Variants in DOK5 observed in about 807,000 individuals in gnomAD.
The protein encoded by DOK5 is downstream of tyrosine kinase 5.
Under a neutral mutation model 43.3 loss-of-function variants are expected in DOK5, and 27 were observed. The ratio of observed to expected loss-of-function variants is 0.62; its 90% CI spans 0.46 to 0.86. DOK5 has a LOEUF of 0.86. DOK5 is among the 40% of genes least tolerant of loss of function. The pLI, the probability that DOK5 is intolerant of heterozygous loss-of-function variation, is 0.00. For synonymous variants in DOK5, 146 were observed against 140.1 expected (o/e 1.04, Z -0.30); for missense variants, 373 against 392.9 (o/e 0.95, Z 0.43).
At chr20:54,511,288 C>T (rs1322011615) in intron 1 of DOK5, among the ~76,000 whole-genome samples, 1 of 152,106 alleles carries the variant, frequency 6.6e-6, no homozygotes, top group Non-Finnish European at 1.5e-5. Context: ...TACCATAGTG[C>T]CTGATACATA....
intron 1 of DOK5, among the ~76,000 whole-genome samples, chr20:54,531,836 A>G (rs1226586183): frequency 6.6e-6 from 1 of 152,228 alleles, no homozygotes; most frequent in African/African-American, 2.4e-5. Flanking sequence ...CCCAATTACT[A>G]TAATTTGAGC....
At chr20:54,632,695 T>C (rs1256938476) in intron 6 of DOK5, among the ~76,000 whole-genome samples, 1 of 152,210 alleles carries the variant, frequency 6.6e-6, no homozygotes, top group East Asian at 1.9e-4. Context: ...ATGATTGTTC[T>C]AAAGGTAATA....
chr20:54,507,520 C>T (rs555433850), intron 1 of DOK5, among the ~76,000 whole-genome samples: 10 of 152,324 alleles, frequency 6.6e-5, no homozygotes, highest in South Asian at 2.1e-4. Context: ...CGGTATTTTA[C>T]GCCCTGTGGC....
At chr20:54,538,083 C>T (rs6098055) in intron 1 of DOK5, among the ~76,000 whole-genome samples, 3,765 of 151,978 alleles carry the variant, frequency 0.025, 150 homozygotes, top group African/African-American at 0.085. Flanking sequence ...ATCCTCCTCC[C>T]GACTCGGCCT....
At chr20:54,548,945 G>A (rs1490459047) in intron 1 of DOK5, among the ~76,000 whole-genome samples, 6 of 152,170 alleles carry the variant, frequency 3.9e-5, no homozygotes, top group African/African-American at 1.4e-4. Context: ...GAAATTGGGA[G>A]TTTAGTTTAA....
intron 1 of DOK5, among the ~76,000 whole-genome samples, chr20:54,520,408 T>G (rs1329994481): frequency 6.6e-6 from 1 of 152,186 alleles, no homozygotes; most frequent in Non-Finnish European, 1.5e-5. Flanking sequence ...CTAACTTGTT[T>G]CCTTTTCTAC....
intron 5 of DOK5, among the ~76,000 whole-genome samples, chr20:54,595,493 T>C (rs547471009): frequency 2.9e-4 from 44 of 152,150 alleles, no homozygotes; most frequent in Non-Finnish European, 5.1e-4. Flanking sequence ...ATTTCAATGG[T>C]CTTTACCAAC....
At chr20:54,643,628 C>T in intron 7 of DOK5, 50 bp downstream of exon 7, 1 of 1,578,414 alleles carries the variant, frequency 6.3e-7, no homozygotes, top group South Asian at 1.1e-5. Flanking sequence ...CCTGGGAGTA[C>T]TGGGGAGGGG....
At chr20:54,538,666 T>G (rs985477344) in intron 1 of DOK5, among the ~76,000 whole-genome samples, 10 of 152,176 alleles carry the variant, frequency 6.6e-5, no homozygotes, top group Non-Finnish European at 1.5e-4. Flanking sequence ...ATAGAAAAAA[T>G]ATTTAGGACA....
Position 54,610,447 on chromosome 20 carries a change from A to C in DOK5, c.659A>C (p.Tyr220Ser). 1 of 1,598,184 alleles carries C rather than the reference A, an allele frequency of 6.3e-7. No homozygotes were observed. Among genetic ancestry groups the C allele is most frequent in the Non-Finnish European group, 8.5e-7 (1 of 1,172,352 alleles). Residue 220 changes from tyrosine (Y) to serine (S), a missense_variant, in exon 6 of 8, where the codon TAT becomes TCT. Tyr to Ser is a moderately radical substitution (Grantham distance 144). Coordinates refer to ENST00000262593, the MANE Select transcript of DOK5 (RefSeq NM_018431.5). ...CAGACCCGAGACGGGGAGGCCATCT[A>C]TCAGAAAGTCCACTCTGCTGCCTTG... ...IFQTRDGEAI[Y>S]QKVHSAALAI...
At chr20:54,629,112 T>A (rs555520935) in intron 6 of DOK5, among the ~76,000 whole-genome samples, 104 of 152,350 alleles carry the variant, frequency 6.8e-4, no homozygotes, top group African/African-American at 2.5e-3. Context: ...CTGGTTTTCA[T>A]TTTCTAGTGT....
chr20:54,589,638 G>A (rs112588534), intron 4 of DOK5, among the ~76,000 whole-genome samples: 15 of 152,236 alleles, frequency 9.9e-5, no homozygotes, highest in African/African-American at 3.1e-4. Flanking sequence ...ATCTATGAGG[G>A]CATGTCACCA....
chr20:54,618,380 G>A, intron 6 of DOK5, among the ~76,000 whole-genome samples: 1 of 147,810 alleles, frequency 6.8e-6, no homozygotes, highest in Non-Finnish European at 1.5e-5. Context: ...CTCTCACTCT[G>A]TAGCCCAGGC....
At chr20:54,645,104 A>C (rs1421403801) in intron 7 of DOK5, among the ~76,000 whole-genome samples, 1 of 147,852 alleles carries the variant, frequency 6.8e-6, no homozygotes, top group Non-Finnish European at 1.5e-5. Context: ...GCGCAAAAAA[A>C]CTCTTTAATG....
rs8118579 is a variant in DOK5 at position 54,541,321 on chromosome 20, G to A, written c.67-13612G>A. On this transcript the variant is annotated intron_variant, in intron 1 of 7. Coordinates refer to ENST00000262593, the MANE Select transcript of DOK5 (RefSeq NM_018431.5). ...CCCTCTAACTGGTTCCCCGACCTGC[G>A]CCTTTCCTGCCCTACGGTACCTGAA... 3.3e-3 allele frequency among the ~76,000 whole-genome samples: 499 copies of A among 152,130 alleles called. 4 individuals are homozygous for A. Among genetic ancestry groups the A allele is most frequent in the African/African-American group, 0.011 (460 of 41,502 alleles).
Position 54,550,058 on chromosome 20 carries a change from C to T in DOK5, c.67-4875C>T, listed in dbSNP as rs117122739. ...TGACAACCATAGTACTGAGAATGTT[C>T]ATTTTCATGGCTGAATCTCCACCTG... On this transcript the variant is annotated intron_variant, in intron 1 of 7. Transcript: ENST00000262593. Among the ~76,000 whole-genome samples, 53 of 151,936 alleles carry T rather than the reference C, an allele frequency of 3.5e-4. No homozygotes were observed. The East Asian group carries it at 9.9e-3, about 28-fold the overall frequency.
At chr20:54,628,704 G>A (rs969955343) in intron 6 of DOK5, among the ~76,000 whole-genome samples, 2 of 152,118 alleles carry the variant, frequency 1.3e-5, no homozygotes, top group African/African-American at 4.8e-5. Context: ...AAATGAACCT[G>A]CTCCGTCAAG....
intron 1 of DOK5, among the ~76,000 whole-genome samples, chr20:54,545,641 G>A (rs1448587562): frequency 6.6e-6 from 1 of 152,204 alleles, no homozygotes; most frequent in Non-Finnish European, 1.5e-5. Flanking sequence ...ACTTAGCTTG[G>A]CTTCCTGCAC....
intron 1 of DOK5, among the ~76,000 whole-genome samples, chr20:54,481,167 TA>T (rs1981701617): frequency 6.6e-6 from 1 of 151,492 alleles, no homozygotes; most frequent in Admixed American, 6.6e-5. Context: ...TCTATCTATC[TA>T]TCTATCTATC....
Sources: allele counts gnomAD v4.1 joint callset (sites outside exome capture counted in the v4.1 genomes callset), GRCh38; gene constraint gnomAD v4.1.1; transcripts MANE v1.5; gene names NCBI Gene and HGNC (gene_info 2026-07-23, HGNC 2026-07-21).